DNHD1: variants seen among roughly 807,000 people sequenced by gnomAD.
DNHD1 encodes dynein heavy chain domain-containing protein 1.
A neutral mutation model predicts 458.1 loss-of-function variants in DNHD1; 383 were observed. The observed-to-expected ratio is 0.84, with a 90% CI of 0.77 to 0.91. The LOEUF (loss-of-function observed/expected upper bound fraction) is 0.91, where lower values mean the gene tolerates loss of function less well. Among genes scored for constraint, DNHD1 ranks in the 40% least tolerant of loss-of-function variants. The pLI is 0.00. For missense variants in DNHD1, 5,336 were observed against 5,866.1 expected, an observed-to-expected ratio of 0.91 and a Z score of 2.95; for synonymous variants, 2,203 against 2,376.9, an observed-to-expected ratio of 0.93 and a Z score of 2.13.
rs747446302 is a variant in DNHD1 at position 6,520,228 on chromosome 11, T to C, written c.1786-10T>C. 6.4e-7 allele frequency: 1 copy of C among 1,559,904 alleles called. No individual in the cohort carries two copies. Among genetic ancestry groups the C allele is most frequent in the South Asian group, 1.2e-5 (1 of 85,480 alleles). On this transcript the variant is annotated splice_polypyrimidine_tract_variant and intron_variant, in intron 9 of 42. Transcript: ENST00000254579. The stretch of plus-strand genomic sequence containing the variant: ...CCATTTCTGCCCCTTCTCCATATCC[T>C]GGCATGAAGGTAGTGCAGTCTGCAG...
rs1383062203 is a variant in DNHD1, at chr11:6,547,519, A to G, written c.6580A>G (p.Thr2194Ala). The G allele has an allele frequency of 6.4e-7, 1 of 1,551,030 alleles. No homozygotes were observed. The highest frequency in any genetic ancestry group is 1.4e-5 in the African/African-American group (1 of 73,016). ...GGTGCCTGCAACATTGCGATTCCTC[A>G]CCTGCCAAGGTGTCAGCTCTCTGCT... ...VLVPATLRFL[T>A]CQGVSSLLQV... Residue 2194 changes from threonine to alanine, a missense_variant, in exon 21 of 43, where the codon ACC (threonine) becomes GCC (alanine). This residue lies in a region of DNHD1 where 3,932 missense variants were observed against 4,365.6 expected (regional missense o/e 0.90). Transcript: ENST00000254579.
chr11:6,566,310 G>A lies in DNHD1; in HGVS notation c.11123G>A (p.Arg3708Gln), dbSNP rs751492531. ...GAAGAACTGCAATGGCTGCTGCAAC[G>A]GGAGCAGCTGAGTCCACCCCAGGTG... ...GCEELQWLLQREQLSPPQVQP... is the reference protein window; with the variant it reads ...GCEELQWLLQQEQLSPPQVQP... The change falls in exon 34 of 43, where the codon CGG (arginine) becomes CAG (glutamine). Residue 3708 changes from arginine to glutamine, a missense_variant. Arg to Gln is a conservative substitution (Grantham distance 43). This residue lies in a region of DNHD1 where 695 missense variants were observed against 804.2 expected (regional missense o/e 0.86). Coordinates refer to ENST00000254579, the MANE Select transcript of DNHD1 (RefSeq NM_144666.3). The A allele has an allele frequency of 9.7e-6, 15 of 1,551,916 alleles. No homozygotes were observed. The highest frequency in any genetic ancestry group is 5.9e-5 in the Admixed American group (3 of 51,024).
At position 6,505,339 on chromosome 11, in the gene DNHD1, G is replaced by A. The variant is rs1263360210; in HGVS notation, c.920+2413G>A. Among the ~76,000 whole-genome samples, 5 of 151,912 alleles carry A rather than the reference G, an allele frequency of 3.3e-5. No homozygotes were observed. The South Asian group carries it at 6.3e-4, about 19-fold the overall frequency. ...GGCTCACTTTAATCTCCGCATCTCC[G>A]CCTCCCAGGTTCAAGCGATTCTCCT... On this transcript the variant is annotated intron_variant, in intron 4 of 42. Transcript: ENST00000254579. The surrounding 1 kb of genome is among the most constrained non-coding windows in gnomAD (Gnocchi z 4.4).
In DNHD1 at chr11:6,545,922, A is replaced by G; in HGVS notation, c.4983A>G (p.Leu1661=). 6.4e-7 allele frequency: 1 copy of G among 1,551,750 alleles called. No homozygotes were observed. The highest frequency in any genetic ancestry group is 1.2e-5 in the South Asian group (1 of 84,066). Residue 1661 remains leucine, a synonymous_variant, in exon 21 of 43, where the codon CTA becomes CTG. Transcript: ENST00000254579. This position sits in a 1 kb window ranked among gnomAD's most constrained non-coding sequence, Gnocchi z 4.9. ...ATCTGGGACCTAGACTAGGGCCTCT[A>G]CCCAGCCTACTGCCTGAACGGCCAG... ...YEYLGPRLGP[L]PSLLPERPAL...
At chr11:6,530,618 C>A (rs931475238) in intron 12 of DNHD1, among the ~76,000 whole-genome samples, 15 of 152,218 alleles carry the variant, frequency 9.9e-5, no homozygotes, top group Admixed American at 9.8e-4. Flanking sequence ...TTAGAAGCCA[C>A]TGGGGCCTGG....
intron 12 of DNHD1, 75 bp downstream of exon 12, chr11:6,529,196 AAT>A: frequency 6.6e-7 from 1 of 1,504,088 alleles, no homozygotes; most frequent in Non-Finnish European, 9.0e-7. Context: ...TTGGTCCTGG[AAT>A]GTCCTCCGGA....
Position 6,557,797 on chromosome 11 carries a change from C to A in DNHD1, c.8502C>A (p.Pro2834=), listed in dbSNP as rs1351525794. The A allele has an allele frequency of 1.9e-6, 3 of 1,551,404 alleles. No homozygotes were observed. Among genetic ancestry groups the A allele is most frequent in the Non-Finnish European group, 2.6e-6 (3 of 1,146,988 alleles). ...ELILGPNSET[P]NLYLERQWEK... ...TACTGGGGCCTAACTCTGAGACCCC[C>A]AACTTGTACCTGGAACGACAGTGGG... Residue 2834 remains proline, a synonymous_variant, in exon 25 of 43, where the codon CCC becomes CCA. Transcript: ENST00000254579.
intron 39 of DNHD1, 58 bp from the exon 40 acceptor site, chr11:6,569,950 TG>T: frequency 6.8e-7 from 1 of 1,469,732 alleles, no homozygotes; most frequent in Non-Finnish European, 9.5e-7. Context: ...AGACAAGACT[TG>T]ACAGTCCTCA....
intron 10 of DNHD1, among the ~76,000 whole-genome samples, chr11:6,521,143 CT>C (rs1014767365): frequency 3.9e-5 from 6 of 152,182 alleles, no homozygotes; most frequent in African/African-American, 1.4e-4. Flanking sequence ...GTTTACTAGT[CT>C]GCAAAGTGGG....
At position 6,568,151 on chromosome 11, in the gene DNHD1, G is replaced by A. The variant is rs368831531; in HGVS notation, c.12447G>A (p.Gly4149=). ...CTCTATCCCAGGCTATGTATGAGGG[G>A]CACTGGCTGGTGCTGGACAACTGTC... ...VSTLSQAMYE[G]HWLVLDNCHL... The change falls in exon 37 of 43, where the codon GGG becomes GGA. Residue 4149 remains glycine (G), a synonymous_variant. Coordinates refer to ENST00000254579, the MANE Select transcript of DNHD1 (RefSeq NM_144666.3). 4.0e-5 allele frequency: 63 copies of A among 1,557,030 alleles called. 1 individual carries two copies. Among genetic ancestry groups the A allele is most frequent in the Non-Finnish European group, 3.4e-5 (39 of 1,149,712 alleles).
chr11:6,568,788 TA>T lies in DNHD1; in HGVS notation c.12786del (p.Pro4263LeufsTer29). 2 of 1,613,520 alleles carry T rather than the reference TA, an allele frequency of 1.2e-6. No individual in the cohort carries two copies. Among genetic ancestry groups the T allele is most frequent in the Non-Finnish European group, 1.7e-6 (2 of 1,179,752 alleles). ...VLYMQPPTQA[L>X]PLLLLHGLLL... ...TACATGCAACCCCCCACCCAGGCACTACCTCTGCTCCTCCTCCATGGCCTCC... is the reference window on the plus strand; with the variant it reads ...TACATGCAACCCCCCACCCAGGCACTCCTCTGCTCCTCCTCCATGGCCTCC... On this transcript the variant is annotated frameshift_variant, in exon 39 of 43. Coordinates refer to ENST00000254579, the MANE Select transcript of DNHD1 (RefSeq NM_144666.3). LOFTEE classifies it high-confidence loss of function.
At chr11:6,514,953 G>A (rs1852427428) in intron 7 of DNHD1, among the ~76,000 whole-genome samples, 2 of 152,162 alleles carry the variant, frequency 1.3e-5, no homozygotes, top group South Asian at 4.1e-4. Context: ...ATGAATATGA[G>A]ACAGAGAGAG....
intron 14 of DNHD1, 101 bp downstream of exon 14, chr11:6,534,274 C>A: frequency 2.4e-6 from 3 of 1,258,048 alleles, no homozygotes; most frequent in South Asian, 3.1e-5. Context: ...TGACCCCAAG[C>A]AAGCCTTGGG....
In DNHD1 at chr11:6,566,965, T is replaced by C. The variant is rs747679287; in HGVS notation, c.11456T>C (p.Ile3819Thr). 2.0e-5 allele frequency: 33 copies of C among 1,613,750 alleles called. No homozygotes were observed. Among genetic ancestry groups the C allele is most frequent in the Non-Finnish European group, 2.7e-5 (32 of 1,179,856 alleles). Residue 3819 changes from isoleucine to threonine, a missense_variant, in exon 36 of 43, where the codon ATA becomes ACA. Physicochemically the swap from Ile to Thr is moderately conservative, Grantham distance 89. This residue lies in a region of DNHD1 where 695 missense variants were observed against 804.2 expected (regional missense o/e 0.86). Transcript: ENST00000254579. ...RQKPAKFLRN[I>T]VRAQGKLCQL... ...AAGCCAGCCAAGTTTCTGCGGAACA[T>C]AGTGAGGGCCCAAGGAAAGCTATGC...
chr11:6,523,533 A>T (rs1311811588), intron 10 of DNHD1, among the ~76,000 whole-genome samples: 4 of 152,152 alleles, frequency 2.6e-5, no homozygotes, highest in Non-Finnish European at 5.9e-5. Context: ...TATAGTAAAG[A>T]TCTGTATCAT....
At chr11:6,561,643 A>T (rs908918247) in intron 28 of DNHD1, among the ~76,000 whole-genome samples, 2 of 152,226 alleles carry the variant, frequency 1.3e-5, no homozygotes, top group Non-Finnish European at 2.9e-5. Context: ...CCCGCTGTGC[A>T]GCACAGAGCG....
In DNHD1 at chr11:6,568,070, G is replaced by A. The variant is rs1308333726; in HGVS notation, c.12366G>A (p.Leu4122=). The change falls in exon 37 of 43, where the codon CTG becomes CTA. Residue 4122 remains leucine, a synonymous_variant. Transcript: ENST00000254579. The stretch of plus-strand genomic sequence containing the variant: ...TTGGTCCCCAGGGGCAGAAGCAACT[G>A]CAGGTGATAGCCCTGGGCTCTGAAG... The part of the protein sequence containing the change: ...AAKYQQGQKQ[L]QVIALGSEAW... 3.2e-6 allele frequency: 5 copies of A among 1,574,172 alleles called. No individual in the cohort carries two copies. The African/African-American group carries it at 4.1e-5, about 13-fold the overall frequency.
rs1159708800 is a variant in DNHD1, at chr11:6,571,375, G to C, written c.13863G>C (p.Gln4621His). 3 of 1,612,152 alleles carry C rather than the reference G, an allele frequency of 1.9e-6. No homozygotes were observed. The highest frequency in any genetic ancestry group is 2.5e-6 in the Non-Finnish European group (3 of 1,179,212). The change falls in exon 42 of 43, where the codon CAG becomes CAC. Residue 4621 changes from glutamine (Q) to histidine (H), a missense_variant. Transcript: ENST00000254579. The surrounding 1 kb of genome is among the most constrained non-coding windows in gnomAD (Gnocchi z 5.0). Reference protein sequence around the residue: ...FPGSRGSVSSQLQYKRLEMNS... With the variant: ...FPGSRGSVSSHLQYKRLEMNS... ...GTAGCCGAGGCTCGGTCTCCAGTCAGCTCCAGTATAAACGTCTGGAGATGA... is the reference window on the plus strand; with the variant it reads ...GTAGCCGAGGCTCGGTCTCCAGTCACCTCCAGTATAAACGTCTGGAGATGA...
At position 6,571,330 on chromosome 11, in the gene DNHD1, G is replaced by C; in HGVS notation, c.13818G>C (p.Val4606=). ...LRGEAALDQN[V]PSSNFPGSRG... is the part of the protein sequence containing the mutation. ...GGGAAGCTGCCCTGGACCAGAATGT[G>C]CCCAGCTCGAATTTCCCTGGTAGCC... Residue 4606 remains valine, a synonymous_variant, in exon 42 of 43, where the codon GTG becomes GTC. Coordinates refer to ENST00000254579, the MANE Select transcript of DNHD1 (RefSeq NM_144666.3). This position sits in a 1 kb window ranked among gnomAD's most constrained non-coding sequence, Gnocchi z 5.0. The C allele has an allele frequency of 6.2e-7, 1 of 1,612,400 alleles. No homozygotes were observed. Among genetic ancestry groups the C allele is most frequent in the Non-Finnish European group, 8.5e-7 (1 of 1,179,592 alleles).
Sources: allele counts gnomAD v4.1 joint callset (sites outside exome capture counted in the v4.1 genomes callset), GRCh38; gene constraint gnomAD v4.1.1; regional missense constraint gnomAD v4.1.1; non-coding constraint Gnocchi (gnomAD v3.1); transcripts MANE v1.5; gene names NCBI Gene and HGNC (gene_info 2026-07-23, HGNC 2026-07-21).